CCDC192: variants seen among roughly 807,000 people sequenced by gnomAD.
The protein encoded by CCDC192 is coiled-coil domain containing 192.
chr5:127,860,846 C>T (rs1580763180), intron 5 of CCDC192, among the ~76,000 whole-genome samples: 1 of 152,052 alleles, frequency 6.6e-6, no homozygotes, highest in African/African-American at 2.4e-5. Context: ...AGACTTTTTC[C>T]CCCATAATAG....
chr5:127,730,894 A>G (rs1473712477), intron 2 of CCDC192, among the ~76,000 whole-genome samples: 3 of 152,196 alleles, frequency 2.0e-5, no homozygotes, highest in Non-Finnish European at 4.4e-5. Context: ...ATTTATGACA[A>G]ATCCACAGCC....
At chr5:127,796,540 CA>C (rs893191407) in intron 3 of CCDC192, among the ~76,000 whole-genome samples, 4 of 152,128 alleles carry the variant, frequency 2.6e-5, no homozygotes, top group Non-Finnish European at 2.9e-5. Context: ...AACAGTCAAA[CA>C]AAAACAAAGT....
intron 1 of CCDC192, among the ~76,000 whole-genome samples, chr5:127,705,340 A>C (rs1390594483): frequency 6.6e-6 from 1 of 152,218 alleles, no homozygotes; most frequent in African/African-American, 2.4e-5. Flanking sequence ...ATTATTATTT[A>C]AAAGTAGTCT....
intron 3 of CCDC192, chr5:127,784,711 G>A (rs1756436790): frequency 6.6e-6 from 4 of 605,376 alleles, no homozygotes; most frequent in Admixed American, 4.1e-5. Context: ...CAGGGACCCG[G>A]GATTTGAACC....
intron 5 of CCDC192, among the ~76,000 whole-genome samples, chr5:127,822,085 C>T (rs887660366): frequency 6.6e-6 from 1 of 152,182 alleles, no homozygotes; most frequent in African/African-American, 2.4e-5. Context: ...AGGAACTTGC[C>T]ACTGCAACTC....
At chr5:127,720,360 C>G (rs1751949097) in intron 2 of CCDC192, among the ~76,000 whole-genome samples, 1 of 152,214 alleles carries the variant, frequency 6.6e-6, no homozygotes, top group Non-Finnish European at 1.5e-5. Context: ...CCTTTGCCTC[C>G]ATGTTTCACA....
chr5:127,765,180 T>C (rs1345884697), intron 3 of CCDC192, among the ~76,000 whole-genome samples: 1 of 152,198 alleles, frequency 6.6e-6, no homozygotes, highest in East Asian at 1.9e-4. Context: ...ATAATAATAC[T>C]AATAGGTTAT....
chr5:127,836,583 C>T (rs973305349), intron 5 of CCDC192, among the ~76,000 whole-genome samples: 1 of 152,250 alleles, frequency 6.6e-6, no homozygotes. Context: ...TTTCATACCT[C>T]CTCTGAAATC....
chr5:127,720,683 T>G (rs112135590), intron 2 of CCDC192, among the ~76,000 whole-genome samples: 8,426 of 152,316 alleles, frequency 0.055, 539 homozygotes, highest in East Asian at 0.27. Context: ...GCAGCAGACT[T>G]CTGCCTGGAC....
intron 3 of CCDC192, among the ~76,000 whole-genome samples, chr5:127,795,289 CAAAAAA>C (rs762627670): frequency 2.4e-4 from 18 of 76,582 alleles, no homozygotes; most frequent in African/African-American, 7.9e-4. Flanking sequence ...GACTCTATCT[CAAAAAA>C]AAAAAAAAAA....
chr5:127,839,104 A>G (rs953106484), intron 5 of CCDC192, among the ~76,000 whole-genome samples: 2 of 152,242 alleles, frequency 1.3e-5, no homozygotes, highest in Non-Finnish European at 2.9e-5. Flanking sequence ...TCTCTTGATA[A>G]ACTGAGAAAG....
At chr5:127,874,772 C>T (rs973126096) in intron 5 of CCDC192, among the ~76,000 whole-genome samples, 2 of 152,162 alleles carry the variant, frequency 1.3e-5, no homozygotes, top group African/African-American at 4.8e-5. Flanking sequence ...CAACACCTTT[C>T]ACAACAGACA....
chr5:127,851,325 C>T (rs245195), intron 5 of CCDC192, among the ~76,000 whole-genome samples: 100,235 of 152,084 alleles, frequency 0.66, 33,115 homozygotes, highest in Non-Finnish European at 0.69. Context: ...TCGAGACCAA[C>T]ATTCACCTAG....
intron 5 of CCDC192, among the ~76,000 whole-genome samples, chr5:127,862,928 TAAAAAAAAAAA>T (rs34046354): frequency 1.5e-5 from 2 of 134,314 alleles, no homozygotes; most frequent in African/African-American, 5.5e-5. Flanking sequence ...TTCCTTTATT[TAAAAAAAAAAA>T]AAAAAAAAAG....
chr5:127,771,850 G>A (rs936783885), intron 3 of CCDC192, among the ~76,000 whole-genome samples: 5 of 152,118 alleles, frequency 3.3e-5, no homozygotes, highest in African/African-American at 1.2e-4. Context: ...ATACAGCAGG[G>A]TTTTATTGAT....
chr5:127,884,740 G>A (rs1752499915), intron 6 of CCDC192, among the ~76,000 whole-genome samples: 1 of 152,154 alleles, frequency 6.6e-6, no homozygotes. Context: ...ACCTCTCACT[G>A]TGCCTTCTAA....
chr5:127,761,245 G>A (rs2569148), intron 3 of CCDC192, among the ~76,000 whole-genome samples: 42,049 of 151,922 alleles, frequency 0.28, 6,479 homozygotes, highest in South Asian at 0.43. Context: ...GTTTATTGAG[G>A]ATTCACTATA....
intron 6 of CCDC192, chr5:127,935,420 A>G (rs1458658737): frequency 2.0e-5 from 3 of 152,262 alleles, no homozygotes; most frequent in African/African-American, 7.2e-5. Flanking sequence ...GCACCCATAA[A>G]GAAATCAAAA....
chr5:127,930,116 T>C (rs777032263), intron 6 of CCDC192, among the ~76,000 whole-genome samples: 1 of 152,194 alleles, frequency 6.6e-6, no homozygotes, highest in Admixed American at 6.5e-5. Context: ...TGCAGGAGAA[T>C]CGCTTGATCC....
Sources: allele counts gnomAD v4.1 joint callset (sites outside exome capture counted in the v4.1 genomes callset), GRCh38; gene constraint gnomAD v4.1.1; transcripts MANE v1.5; gene names NCBI Gene and HGNC (gene_info 2026-07-23, HGNC 2026-07-21).